ASB2: variants seen among roughly 807,000 people sequenced by gnomAD.
The protein encoded by ASB2 is ankyrin repeat and SOCS box protein 2.
A neutral mutation model predicts 62.4 loss-of-function variants in ASB2; 58 were observed. That is an observed-to-expected ratio of 0.93 (90% CI 0.75 to 1.16). The LOEUF (loss-of-function observed/expected upper bound fraction) is 1.16, where lower values mean the gene tolerates loss of function less well. Ranked by LOEUF, ASB2 falls within the 50% of genes most tolerant of loss-of-function variation. The pLI is 0.00. For synonymous variants in ASB2, 386 were observed against 385.3 expected, an observed-to-expected ratio of 1.00 and a Z score of -0.02; for missense variants, 928 against 887.9, an observed-to-expected ratio of 1.05 and a Z score of -0.57.
chr14:93,973,413 G>C (rs1889817869), intron 1 of ASB2, among the ~76,000 whole-genome samples: 1 of 152,232 alleles, frequency 6.6e-6, no homozygotes, highest in Non-Finnish European at 1.5e-5. Flanking sequence ...ATGGTGAGAG[G>C]AAGAGAGGGA....
rs759688500 is a variant in ASB2, at chr14:93,939,295, G to T, written c.1430C>A (p.Ala477Asp). ...GGCGAACATGATGGTGGCGGGGAAG[G>T]CGGTGGGGTGCGTGGCGATATAGGC... ...IDAYIATHPTAFPATIMFAMK... is the reference protein window; with the variant it reads ...IDAYIATHPTDFPATIMFAMK... Residue 477 changes from alanine to aspartate, a missense_variant, in exon 8 of 10, where the codon GCC (alanine) becomes GAC (aspartate). Ala to Asp is a moderately radical substitution (Grantham distance 126). Transcript: ENST00000555019. 6.2e-6 allele frequency: 10 copies of T among 1,609,338 alleles called. No homozygotes were observed. The highest frequency in any genetic ancestry group is 1.7e-4 in the Middle Eastern group (1 of 6,046).
intron 1 of ASB2, among the ~76,000 whole-genome samples, chr14:93,975,750 C>T (rs1217907138): frequency 6.6e-6 from 1 of 152,246 alleles, no homozygotes; most frequent in African/African-American, 2.4e-5. Context: ...CCAAGCTGCT[C>T]CTCCACCTGG....
chr14:93,965,526 T>G (rs1241497202), intron 1 of ASB2, among the ~76,000 whole-genome samples: 1 of 152,238 alleles, frequency 6.6e-6, no homozygotes, highest in African/African-American at 2.4e-5. Context: ...CAAAGAGTAA[T>G]AGACTCCAGT....
intron 2 of ASB2, among the ~76,000 whole-genome samples, chr14:93,961,544 G>C (rs1490918791): frequency 6.6e-6 from 1 of 152,228 alleles, no homozygotes; most frequent in African/African-American, 2.4e-5. Flanking sequence ...GCAAGTAAGA[G>C]GTGAAAAACC....
intron 2 of ASB2, among the ~76,000 whole-genome samples, chr14:93,960,803 A>G (rs1889380523): frequency 1.3e-5 from 2 of 152,208 alleles, no homozygotes; most frequent in Admixed American, 6.5e-5. Flanking sequence ...TCTAAGATCC[A>G]GAAGACTCAG....
At chr14:93,936,229 G>A (rs1888266198) in intron 9 of ASB2, among the ~76,000 whole-genome samples, 1 of 152,184 alleles carries the variant, frequency 6.6e-6, no homozygotes, top group African/African-American at 2.4e-5. Flanking sequence ...ACAAGCTCGT[G>A]GGGACTGTCT....
chr14:93,967,804 G>T (rs531603423), intron 1 of ASB2, among the ~76,000 whole-genome samples: 1 of 152,094 alleles, frequency 6.6e-6, no homozygotes, highest in Non-Finnish European at 1.5e-5. Context: ...CAGAAAACCC[G>T]GGGGGAGTGG....
chr14:93,938,925 G>T (rs1888382907), intron 8 of ASB2, among the ~76,000 whole-genome samples, 183 bp downstream of exon 8: 1 of 152,218 alleles, frequency 6.6e-6, no homozygotes, highest in African/African-American at 2.4e-5. Flanking sequence ...CCAGGACGCA[G>T]GTTAACCACC....
intron 1 of ASB2, among the ~76,000 whole-genome samples, chr14:93,970,889 A>T (rs1361979356): frequency 6.6e-6 from 1 of 152,228 alleles, no homozygotes; most frequent in Non-Finnish European, 1.5e-5. Flanking sequence ...ATTAGGTGAC[A>T]GGTATAAATG....
chr14:93,968,810 C>G (rs1889669941), intron 1 of ASB2, among the ~76,000 whole-genome samples: 1 of 152,190 alleles, frequency 6.6e-6, no homozygotes, highest in African/African-American at 2.4e-5. Flanking sequence ...ACTCGTAACC[C>G]CAGGACCTAA....
At chr14:93,957,675 TACTC>T (rs1889274572) in intron 2 of ASB2, among the ~76,000 whole-genome samples, 1 of 152,172 alleles carries the variant, frequency 6.6e-6, no homozygotes, top group African/African-American at 2.4e-5. Context: ...GTTCCACATG[TACTC>T]ACTCTTCATT....
At chr14:93,950,702 C>T (rs188157727) in intron 6 of ASB2, among the ~76,000 whole-genome samples, 2 of 152,274 alleles carry the variant, frequency 1.3e-5, no homozygotes, top group Admixed American at 6.5e-5. Flanking sequence ...TCAGACTCCT[C>T]GTTTGTAAAA....
chr14:93,950,157 C>T (rs1280498793), intron 6 of ASB2, among the ~76,000 whole-genome samples: 4 of 152,210 alleles, frequency 2.6e-5, no homozygotes, highest in Non-Finnish European at 5.9e-5. Context: ...AGCTCCATTG[C>T]CCCGATCTGT....
At chr14:93,943,316 C>G (rs1160947661) in intron 7 of ASB2, among the ~76,000 whole-genome samples, 1 of 152,232 alleles carries the variant, frequency 6.6e-6, no homozygotes, top group Non-Finnish European at 1.5e-5. Flanking sequence ...ATCACCAGGT[C>G]ACTGTGCTTT....
chr14:93,954,174 T>C, intron 4 of ASB2, 143 bp downstream of exon 4: 1 of 708,312 alleles, frequency 1.4e-6, no homozygotes, highest in Middle Eastern at 4.1e-4. Flanking sequence ...CGTAACTCCA[T>C]GACTAACTGA....
In ASB2 at chr14:93,942,215, T is replaced by C. The variant is rs550348500; in HGVS notation, c.1053-2543A>G. Reference sequence around the variant, plus strand: ...TCTCCCACAGGCACGTTTTGGATTCTCAGAGTATAATTGCTCAAGCGGCAC... The same window carrying C: ...TCTCCCACAGGCACGTTTTGGATTCCCAGAGTATAATTGCTCAAGCGGCAC... On this transcript the variant is annotated intron_variant, in intron 7 of 9. Transcript: ENST00000555019. The C allele has an allele frequency of 1.1e-3, 490 of 456,076 alleles. 2 individuals are homozygous for C. Among genetic ancestry groups the C allele is most frequent in the South Asian group, 1.5e-3 (100 of 64,554 alleles). The allele number at this position is 456,076 out of a possible 1,614,324, so 28.3% of individuals were successfully genotyped here. A position where few individuals can be genotyped will look rare whatever the true frequency, so the allele number is the denominator to read the frequency against.
At chr14:93,952,958 G>A (rs1165816641) in intron 5 of ASB2, among the ~76,000 whole-genome samples, 2 of 152,226 alleles carry the variant, frequency 1.3e-5, no homozygotes, top group African/African-American at 4.8e-5. Context: ...TGCCTGTGCG[G>A]TTCCCGCTGC....
At chr14:93,937,585 C>G in intron 9 of ASB2, 113 bp downstream of exon 9, 1 of 1,097,400 alleles carries the variant, frequency 9.1e-7, no homozygotes, top group Admixed American at 2.6e-5. Flanking sequence ...AGTTACAGAG[C>G]CTGGCAAGCA....
intron 7 of ASB2, chr14:93,944,192 C>T: frequency 2.9e-6 from 1 of 350,546 alleles, no homozygotes; most frequent in East Asian, 7.4e-5. Context: ...CAAGGTTGGA[C>T]ACTACTGTTT....
Sources: gnomAD v4.1 joint callset for allele counts (sites outside exome capture counted in the v4.1 genomes callset) on GRCh38, gnomAD v4.1.1 for gene constraint, MANE v1.5 for transcripts, NCBI Gene and HGNC (gene_info 2026-07-23, HGNC 2026-07-21) for gene names.